ACER3: variants seen among roughly 807,000 people sequenced by gnomAD.
ACER3 encodes the protein alkCDase 3.
In ACER3, 16 loss-of-function variants were observed where a neutral mutation model predicts 48.9. That is an observed-to-expected ratio of 0.33 (90% CI 0.22 to 0.50). The LOEUF (loss-of-function observed/expected upper bound fraction) is 0.50, where lower values mean the gene tolerates loss of function less well. ACER3 is among the 20% of genes least tolerant of loss of function. The pLI is 0.98. For synonymous variants in ACER3, 109 were observed against 107.8 expected (o/e 1.01, Z -0.07); for missense variants, 227 against 326.0 (o/e 0.70, Z 2.34).
intron 3 of ACER3, among the ~76,000 whole-genome samples, chr11:76,975,749 A>G (rs1591019311): frequency 6.6e-6 from 1 of 152,312 alleles, no homozygotes; most frequent in East Asian, 1.9e-4. Flanking sequence ...ACATTAGGAC[A>G]CTTGGATGAT....
intron 4 of ACER3, among the ~76,000 whole-genome samples, chr11:76,976,731 A>T (rs986222466): frequency 6.6e-6 from 1 of 152,242 alleles, no homozygotes; most frequent in Non-Finnish European, 1.5e-5. Context: ...TTCTAGTTGT[A>T]TAGTGATCGT....
At chr11:76,992,684 G>C (rs1051926850) in intron 6 of ACER3, among the ~76,000 whole-genome samples, 2 of 152,180 alleles carry the variant, frequency 1.3e-5, no homozygotes, top group African/African-American at 4.8e-5. Context: ...GATGTCTACT[G>C]TCTGCCTTCT....
intron 1 of ACER3, among the ~76,000 whole-genome samples, chr11:76,917,719 G>A (rs1946570056): frequency 6.6e-6 from 1 of 151,856 alleles, no homozygotes; most frequent in South Asian, 2.1e-4. Flanking sequence ...TAATTAGCCA[G>A]GAGTGGTGGC....
At chr11:77,008,331 A>G (rs778057618) in intron 7 of ACER3, among the ~76,000 whole-genome samples, 1 of 152,248 alleles carries the variant, frequency 6.6e-6, no homozygotes, top group African/African-American at 2.4e-5. Context: ...AGCATAAAAT[A>G]CAGTCCTTGA....
chr11:76,982,561 C>G (rs569115323), intron 4 of ACER3, among the ~76,000 whole-genome samples: 2 of 151,848 alleles, frequency 1.3e-5, no homozygotes, highest in African/African-American at 4.8e-5. Context: ...TGTAAAAATT[C>G]TTTATCTATT....
chr11:76,949,101 T>G (rs1291806697), intron 2 of ACER3, among the ~76,000 whole-genome samples: 1 of 152,184 alleles, frequency 6.6e-6, no homozygotes, highest in Admixed American at 6.5e-5. Flanking sequence ...TATTTGTGTT[T>G]TATTGTAACC....
At chr11:76,965,581 G>T (rs1948116912) in intron 3 of ACER3, among the ~76,000 whole-genome samples, 2 of 151,326 alleles carry the variant, frequency 1.3e-5, no homozygotes, top group Non-Finnish European at 2.9e-5. Flanking sequence ...ACCCACAAAG[G>T]GAAGCCCATC....
chr11:76,903,036 A>G (rs1381617223), intron 1 of ACER3, among the ~76,000 whole-genome samples: 1 of 152,214 alleles, frequency 6.6e-6, no homozygotes, highest in African/African-American at 2.4e-5. Context: ...TTAGTAAATG[A>G]TAAAATAGAC....
At chr11:76,985,929 G>T (rs1948677236) in intron 5 of ACER3, among the ~76,000 whole-genome samples, 1 of 152,034 alleles carries the variant, frequency 6.6e-6, no homozygotes, top group Admixed American at 6.6e-5. Context: ...TTAAAAATCT[G>T]TTTAGTTTTT....
chr11:76,908,366 C>G (rs76980514), intron 1 of ACER3, among the ~76,000 whole-genome samples: 2 of 152,002 alleles, frequency 1.3e-5, no homozygotes, highest in Non-Finnish European at 2.9e-5. Context: ...CGTCTCAGCC[C>G]AAAAACTCCT....
chr11:77,013,734 C>CCAAGAATTTTCT (rs1555022684), intron 7 of ACER3, among the ~76,000 whole-genome samples: 61 of 152,240 alleles, frequency 4.0e-4, no homozygotes, highest in African/African-American at 1.3e-3. Context: ...TAGCTATTTA[C>CCAAGAATTTTCT]CCAAGAAAAA....
At chr11:77,019,884 C>A in intron 10 of ACER3, 108 bp downstream of exon 10, 2 of 1,166,420 alleles carry the variant, frequency 1.7e-6, no homozygotes, top group Non-Finnish European at 2.5e-6. Context: ...GGAGCAAACA[C>A]AGGCTTTGGA....
chr11:76,913,336 C>T (rs1342451172), intron 1 of ACER3, among the ~76,000 whole-genome samples: 4 of 152,150 alleles, frequency 2.6e-5, no homozygotes, highest in African/African-American at 9.7e-5. Context: ...TTGACTTCCT[C>T]TTTTCCTAAT....
intron 1 of ACER3, among the ~76,000 whole-genome samples, chr11:76,901,271 A>T (rs980851300): frequency 2.5e-4 from 6 of 23,932 alleles, no homozygotes; most frequent in African/African-American, 3.7e-4. Context: ...TCCAACATTT[A>T]AAAAAAAAAA....
At chr11:76,996,477 A>G (rs2135250539) in intron 6 of ACER3, among the ~76,000 whole-genome samples, 1 of 151,414 alleles carries the variant, frequency 6.6e-6, no homozygotes, top group East Asian at 1.9e-4. Flanking sequence ...GGAGTGCAAT[A>G]GCACGATCTT....
At chr11:76,973,159 C>T (rs999356560) in intron 3 of ACER3, among the ~76,000 whole-genome samples, 13 of 152,232 alleles carry the variant, frequency 8.5e-5, no homozygotes, top group African/African-American at 2.9e-4. Flanking sequence ...CCGGGAAAGG[C>T]AGGCAACGGA....
chr11:76,901,427 C>T (rs1443285483), intron 1 of ACER3, among the ~76,000 whole-genome samples: 1 of 152,096 alleles, frequency 6.6e-6, no homozygotes, highest in African/African-American at 2.4e-5. Flanking sequence ...TTGTCTTTTC[C>T]CTTCAAGACT....
intron 2 of ACER3, among the ~76,000 whole-genome samples, chr11:76,945,683 G>T (rs1456644204): frequency 2.6e-5 from 4 of 152,142 alleles, no homozygotes; most frequent in African/African-American, 7.2e-5. Context: ...TGATTCTTGG[G>T]CCTGCACTTC....
At chr11:76,958,471 G>A (rs1295478829) in intron 2 of ACER3, among the ~76,000 whole-genome samples, 1 of 152,190 alleles carries the variant, frequency 6.6e-6, no homozygotes, top group Non-Finnish European at 1.5e-5. Flanking sequence ...ACAGGCGCGA[G>A]CCACTGTGTC....
Sources: gnomAD v4.1 joint callset for allele counts (sites outside exome capture counted in the v4.1 genomes callset) on GRCh38, gnomAD v4.1.1 for gene constraint, MANE v1.5 for transcripts, NCBI Gene and HGNC (gene_info 2026-07-23, HGNC 2026-07-21) for gene names.